Variants in PTPRT observed in about 807,000 individuals in gnomAD.
PTPRT encodes receptor-type tyrosine-protein phosphatase T.
A neutral mutation model predicts 176.8 loss-of-function variants in PTPRT; 56 were observed. The observed-to-expected ratio is 0.32, with a 90% CI of 0.26 to 0.40. The LOEUF is 0.40. Ranked by LOEUF, PTPRT falls within the 10% of genes least tolerant of loss-of-function variation. The pLI is 1.00. For missense variants in PTPRT, 1,540 were observed against 1,908.2 expected (o/e 0.81, Z 3.60); for synonymous variants, 783 against 739.0 (o/e 1.06, Z -0.96).
rs147723498 is a variant in PTPRT, at chr20:42,881,336, A to G, written c.214+4471T>C. On this transcript the variant is annotated intron_variant, in intron 2 of 30. Coordinates refer to ENST00000373187, the MANE Select transcript of PTPRT (RefSeq NM_007050.6). ...GATAACGATTTTGAAAGCAAAGAAC[A>G]GGATGTTATGAGTGAGAATAAGGAG... Among the ~76,000 whole-genome samples, 8 of 152,328 alleles carry G rather than the reference A, an allele frequency of 5.3e-5. No individual in the cohort carries two copies. The East Asian group carries it at 1.4e-3, about 26-fold the overall frequency.
At chr20:42,932,023 A>G (rs1360100281) in intron 1 of PTPRT, among the ~76,000 whole-genome samples, 1 of 152,226 alleles carries the variant, frequency 6.6e-6, no homozygotes, top group Non-Finnish European at 1.5e-5. Context: ...TCCTTGTCCC[A>G]TGAATGCCAC....
intron 2 of PTPRT, among the ~76,000 whole-genome samples, chr20:42,810,898 T>C (rs6030484): frequency 0.11 from 17,072 of 152,286 alleles, 1,273 homozygotes; most frequent in East Asian, 0.38. Context: ...TTTAAATCAT[T>C]GCACAATCAC....
chr20:42,226,774 T>C (rs2056022024), intron 15 of PTPRT, among the ~76,000 whole-genome samples: 1 of 152,122 alleles, frequency 6.6e-6, no homozygotes, highest in Non-Finnish European at 1.5e-5. Context: ...TTCTCTCCTC[T>C]GGCTGGATCA....
chr20:43,004,152 T>A, intron 1 of PTPRT, among the ~76,000 whole-genome samples: 1 of 146,666 alleles, frequency 6.8e-6, no homozygotes. Flanking sequence ...AAAAACGTTT[T>A]AAATCACAAC....
At chr20:42,161,300 C>G in intron 17 of PTPRT, 52 bp downstream of exon 17, 1 of 1,604,612 alleles carries the variant, frequency 6.2e-7, no homozygotes, top group Non-Finnish European at 8.5e-7. Context: ...CTTTAGTGCC[C>G]AAATAAGCCT....
downstream of PTPRT, among the ~76,000 whole-genome samples, chr20:42,071,072 T>C (rs565237908): frequency 1.3e-5 from 2 of 152,292 alleles, no homozygotes; most frequent in South Asian, 4.1e-4. Flanking sequence ...GGGAATCACA[T>C]GTTCTCTAGA....
intron 2 of PTPRT, among the ~76,000 whole-genome samples, chr20:42,817,989 C>A (rs937389581): frequency 6.6e-6 from 1 of 152,174 alleles, no homozygotes; most frequent in African/African-American, 2.4e-5. Flanking sequence ...GGTTTCCCCC[C>A]AGCAAAGCAC....
intron 15 of PTPRT, among the ~76,000 whole-genome samples, chr20:42,202,072 T>A (rs1280893972): frequency 6.6e-6 from 1 of 151,924 alleles, no homozygotes; most frequent in Non-Finnish European, 1.5e-5. Context: ...CAGGCTCAAG[T>A]AATTCTCATG....
intron 1 of PTPRT, among the ~76,000 whole-genome samples, chr20:43,181,558 G>C (rs966872384): frequency 6.6e-6 from 1 of 152,116 alleles, no homozygotes; most frequent in African/African-American, 2.4e-5. Flanking sequence ...TGGCAATGTG[G>C]CAAAATTCTT....
chr20:42,384,819 T>C (rs570990972), intron 9 of PTPRT, among the ~76,000 whole-genome samples: 1 of 152,328 alleles, frequency 6.6e-6, no homozygotes, highest in East Asian at 1.9e-4. Context: ...GTGGTTTTGA[T>C]TTGCACTTCC....
In PTPRT at chr20:42,350,610, G is replaced by A. The variant is rs1030962480; in HGVS notation, c.1865+18C>T. 6.4e-7 allele frequency: 1 copy of A among 1,569,454 alleles called. No individual in the cohort carries two copies. Among genetic ancestry groups the A allele is most frequent in the Non-Finnish European group, 8.8e-7 (1 of 1,139,442 alleles). On this transcript the variant is annotated intron_variant, in intron 11 of 30. Transcript: ENST00000373187. ...AGAGAAGAAAAACTGCAGACTCCAA[G>A]TGAAGAACCATCCTCACCTGACAGG...
chr20:43,157,738 C>T (rs2014565536), intron 1 of PTPRT, among the ~76,000 whole-genome samples: 1 of 152,094 alleles, frequency 6.6e-6, no homozygotes, highest in Non-Finnish European at 1.5e-5. Flanking sequence ...TTTCAGACTC[C>T]AAGGAGGCAA....
rs1371269170 is a variant in PTPRT at position 42,885,726 on chromosome 20, T to C, written c.214+81A>G. The stretch of plus-strand genomic sequence containing the variant: ...GATTGCCATCTCAGAGAGCTCAATG[T>C]GTAAGTAAGTTCTTCCCCCCATGAT... On this transcript the variant is annotated intron_variant, in intron 2 of 30. Coordinates refer to ENST00000373187, the MANE Select transcript of PTPRT (RefSeq NM_007050.6). 4.6e-6 allele frequency: 7 copies of C among 1,520,550 alleles called. No individual in the cohort carries two copies. In the Admixed American group the frequency reaches 5.3e-5, roughly 11 times the overall value. 94.2% of individuals were successfully genotyped at this position (1,520,550 alleles called of 1,614,324 possible).
chr20:43,045,671 C>G (rs1461703748), intron 1 of PTPRT, among the ~76,000 whole-genome samples: 2 of 150,870 alleles, frequency 1.3e-5, no homozygotes, highest in Non-Finnish European at 2.9e-5. Flanking sequence ...CTATGTTGCC[C>G]AGGCTGGTCT....
chr20:42,084,547 C>A, intron 29 of PTPRT, 135 bp downstream of exon 29: 5 of 710,068 alleles, frequency 7.0e-6, no homozygotes, highest in Non-Finnish European at 9.9e-6. Flanking sequence ...AATGTACTGC[C>A]ACTAGCCTTT....
chr20:42,549,995 G>A (rs768323377), intron 7 of PTPRT, among the ~76,000 whole-genome samples: 12 of 152,146 alleles, frequency 7.9e-5, no homozygotes, highest in Non-Finnish European at 7.4e-5. Flanking sequence ...GGCATGAACT[G>A]TGAATGGCTC....
intron 2 of PTPRT, among the ~76,000 whole-genome samples, chr20:42,852,725 A>T (rs2145766077): frequency 6.6e-6 from 1 of 152,256 alleles, no homozygotes; most frequent in Non-Finnish European, 1.5e-5. Flanking sequence ...CTATTTCACA[A>T]ACCCTCTCAT....
intron 11 of PTPRT, among the ~76,000 whole-genome samples, chr20:42,317,858 T>G (rs971857003): frequency 2.0e-5 from 3 of 152,186 alleles, no homozygotes; most frequent in Non-Finnish European, 4.4e-5. Flanking sequence ...AGCAGCTCAA[T>G]GACCATGCCT....
chr20:42,837,583 G>C (rs1235992129), intron 2 of PTPRT, among the ~76,000 whole-genome samples: 2 of 152,190 alleles, frequency 1.3e-5, no homozygotes, highest in Non-Finnish European at 2.9e-5. Context: ...TGCCTACCAA[G>C]GCAAGTGATT....
Sources: allele counts gnomAD v4.1 joint callset (sites outside exome capture counted in the v4.1 genomes callset), GRCh38; gene constraint gnomAD v4.1.1; transcripts MANE v1.5; gene names NCBI Gene and HGNC (gene_info 2026-07-23, HGNC 2026-07-21).